SYN2: variants seen among roughly 807,000 people sequenced by gnomAD.
SYN2 encodes the protein synapsin-2.
SYN2 carries 19 observed loss-of-function variants against 50.9 expected under a neutral mutation model. The observed-to-expected ratio is 0.37, with a 90% confidence interval of 0.26 to 0.55. The LOEUF is 0.55. SYN2 is among the 20% of genes least tolerant of loss of function. The probability of loss-of-function intolerance (pLI) is 0.81; values close to 1 mark genes in which losing one functional copy is unlikely to be tolerated. For missense variants in SYN2, 587 were observed against 576.4 expected (o/e 1.02, Z -0.19); for synonymous variants, 255 against 224.9 (o/e 1.13, Z -1.20).
At chr3:12,141,587 A>G (rs962775582) in intron 2 of SYN2, among the ~76,000 whole-genome samples, 2 of 152,220 alleles carry the variant, frequency 1.3e-5, no homozygotes, top group Non-Finnish European at 2.9e-5. Context: ...CTCGCTCTGT[A>G]GAGAGGCAGC....
intron 4 of SYN2, among the ~76,000 whole-genome samples, chr3:12,148,103 G>T (rs911666897): frequency 1.1e-4 from 16 of 151,698 alleles, no homozygotes; most frequent in African/African-American, 3.9e-4. Flanking sequence ...GACAGAGCGA[G>T]ACTCTGTCTC....
chr3:12,070,193 T>A (rs1312123811), intron 1 of SYN2: 1 of 368,668 alleles, frequency 2.7e-6, no homozygotes, highest in Non-Finnish European at 5.4e-6. Flanking sequence ...GTCCTCCTAC[T>A]GCTCTGCCGC....
intron 1 of SYN2, among the ~76,000 whole-genome samples, chr3:12,109,881 T>G (rs907391484): frequency 2.0e-5 from 3 of 152,216 alleles, no homozygotes; most frequent in African/African-American, 7.2e-5. Context: ...ATAAAACCTC[T>G]GTATTTTCTT....
At chr3:12,090,897 T>C (rs921633143) in intron 1 of SYN2, among the ~76,000 whole-genome samples, 2 of 152,188 alleles carry the variant, frequency 1.3e-5, no homozygotes. Context: ...CTTTGAGTGA[T>C]AGATGTATTT....
chr3:12,056,776 A>C (rs890149673), intron 1 of SYN2, among the ~76,000 whole-genome samples: 1 of 152,186 alleles, frequency 6.6e-6, no homozygotes, highest in Non-Finnish European at 1.5e-5. Context: ...TGGCAAATAG[A>C]AGTGTGGGTG....
At chr3:12,083,334 T>C (rs186600407) in intron 1 of SYN2, among the ~76,000 whole-genome samples, 2 of 152,346 alleles carry the variant, frequency 1.3e-5, no homozygotes, top group East Asian at 3.9e-4. Flanking sequence ...TTAGATCTTT[T>C]GGAGACAGCT....
exon 13 of SYN2, among the ~76,000 whole-genome samples, chr3:12,192,024 AAATGTTAATATCTG>A (rs1698453121): frequency 6.6e-6 from 1 of 152,204 alleles, no homozygotes; most frequent in African/African-American, 2.4e-5. Context: ...CCATATATTA[AAATGTTAATATCTG>A]AATGTTAATA....
intron 1 of SYN2, among the ~76,000 whole-genome samples, chr3:12,045,458 T>A (rs1234406271): frequency 6.6e-6 from 1 of 152,176 alleles, no homozygotes; most frequent in Non-Finnish European, 1.5e-5. Flanking sequence ...AATAAGTAAA[T>A]GTCTCTACTG....
At chr3:12,158,859 C>A in intron 5 of SYN2, 1 of 1,549,816 alleles carries the variant, frequency 6.5e-7, no homozygotes, top group Non-Finnish European at 8.7e-7. Flanking sequence ...AGATCCGCGA[C>A]TGAGCCTGTG....
intron 1 of SYN2, among the ~76,000 whole-genome samples, chr3:12,102,371 A>C (rs1415524545): frequency 2.6e-5 from 4 of 152,172 alleles, no homozygotes; most frequent in Admixed American, 2.6e-4. Flanking sequence ...TGGAAACTCC[A>C]TGGACACTTT....
At chr3:12,155,249 G>T (rs1425712464) in intron 5 of SYN2, among the ~76,000 whole-genome samples, 1 of 152,194 alleles carries the variant, frequency 6.6e-6, no homozygotes, top group Non-Finnish European at 1.5e-5. Flanking sequence ...CTCCCAAGGA[G>T]CTTAGAAATG....
Position 12,164,498 on chromosome 3 carries a change from A to G in SYN2, c.980+2344A>G, listed in dbSNP as rs1054860545. Among the ~76,000 whole-genome samples the G allele has an allele frequency of 2.0e-5, 3 of 152,326 alleles. No individual in the cohort carries two copies. The South Asian group carries it at 6.2e-4, about 32-fold the overall frequency. ...TTGTGGCTATATTCCTGCTCTCAGA[A>G]GAAGGAATTTACTTAGCAGTAGCCA... On this transcript the variant is annotated intron_variant, in intron 7 of 12. Coordinates refer to ENST00000621198, the MANE Select transcript of SYN2 (RefSeq NM_133625.6).
chr3:12,190,153 T>A (rs1035294173), intron 12 of SYN2, among the ~76,000 whole-genome samples: 6 of 152,222 alleles, frequency 3.9e-5, no homozygotes, highest in African/African-American at 1.2e-4. Flanking sequence ...CTTACCAAGT[T>A]GGGATCTGTG....
chr3:12,020,848 G>A (rs1170745148), intron 1 of SYN2, among the ~76,000 whole-genome samples: 1 of 152,126 alleles, frequency 6.6e-6, no homozygotes, highest in African/African-American at 2.4e-5. Flanking sequence ...GTTTAGTGGA[G>A]GAGACAAGCT....
At chr3:12,083,261 C>T (rs1033040384) in intron 1 of SYN2, among the ~76,000 whole-genome samples, 2 of 152,214 alleles carry the variant, frequency 1.3e-5, no homozygotes, top group African/African-American at 4.8e-5. Context: ...ATCTGCCCAC[C>T]TCAGCCTCCC....
At chr3:12,064,362 TAAAAAC>T (rs1263488090) in intron 1 of SYN2, among the ~76,000 whole-genome samples, 9 of 151,646 alleles carry the variant, frequency 5.9e-5, no homozygotes, top group Admixed American at 3.3e-4. Flanking sequence ...AATCTACACT[TAAAAAC>T]AAACAAACAA....
At chr3:12,150,550 C>T (rs1295636391) in intron 4 of SYN2, among the ~76,000 whole-genome samples, 3 of 152,104 alleles carry the variant, frequency 2.0e-5, no homozygotes, top group Non-Finnish European at 4.4e-5. Context: ...AACCCTGACA[C>T]TGTAAGTATG....
intron 10 of SYN2, among the ~76,000 whole-genome samples, chr3:12,174,044 C>G (rs190295966): frequency 4.6e-5 from 7 of 152,262 alleles, no homozygotes; most frequent in African/African-American, 7.2e-5. Flanking sequence ...GAGGCCCCCC[C>G]GCCCATCGCT....
rs894411517 is a variant in SYN2 at position 12,140,591 on chromosome 3, A to G, written c.378-60A>G. On this transcript the variant is annotated intron_variant, in intron 1 of 12. Transcript: ENST00000621198. ...TGTGGTCCTCTTCTTTGTAATAGTAAATGTCTGACTTTAAATACTTGCACA... is the reference window on the plus strand; with the variant it reads ...TGTGGTCCTCTTCTTTGTAATAGTAGATGTCTGACTTTAAATACTTGCACA... The G allele has an allele frequency of 3.2e-5, 23 of 720,392 alleles. 1 individual carries two copies. Among genetic ancestry groups the G allele is most frequent in the South Asian group, 3.0e-4 (20 of 67,788 alleles). The allele number at this position is 720,392 out of a possible 1,614,324, so 44.6% of individuals were successfully genotyped here.
Sources: gnomAD v4.1 joint callset for allele counts (sites outside exome capture counted in the v4.1 genomes callset) on GRCh38, gnomAD v4.1.1 for gene constraint, MANE v1.5 for transcripts, NCBI Gene and HGNC (gene_info 2026-07-23, HGNC 2026-07-21) for gene names.